Variants in SPON1 observed in about 807,000 individuals in gnomAD.
The protein encoded by SPON1 is spondin-1.
SPON1 carries 52 observed loss-of-function variants against 111.7 expected under a neutral mutation model. The ratio of observed to expected loss-of-function variants is 0.47; its 90% confidence interval spans 0.37 to 0.59. The LOEUF is 0.59. Among genes scored for constraint, SPON1 ranks in the 20% least tolerant of loss-of-function variants. The pLI is 0.00. For synonymous variants in SPON1, 410 were observed against 395.8 expected, an observed-to-expected ratio of 1.04 and a Z score of -0.43; for missense variants, 957 against 1,068.5, an observed-to-expected ratio of 0.90 and a Z score of 1.46.
chr11:14,109,269 A>C (rs935015138), intron 5 of SPON1, among the ~76,000 whole-genome samples: 5 of 152,072 alleles, frequency 3.3e-5, no homozygotes, highest in Admixed American at 3.3e-4. Flanking sequence ...TACCACGATA[A>C]ATAGAGCAAC....
At chr11:14,104,450 G>A (rs1376260431) in intron 5 of SPON1, among the ~76,000 whole-genome samples, 1 of 151,570 alleles carries the variant, frequency 6.6e-6, no homozygotes, top group African/African-American at 2.4e-5. Flanking sequence ...TTGATTAGCT[G>A]TCAATTTAAG....
intron 7 of SPON1, among the ~76,000 whole-genome samples, chr11:14,254,086 G>A (rs1245116153): frequency 2.6e-5 from 4 of 152,220 alleles, no homozygotes; most frequent in Non-Finnish European, 4.4e-5. Flanking sequence ...TGAGCTGATG[G>A]GTACAGTCTG....
chr11:14,038,128 T>C (rs1554916882), intron 2 of SPON1, among the ~76,000 whole-genome samples: 1 of 151,776 alleles, frequency 6.6e-6, no homozygotes. Flanking sequence ...ATCGTGCCAC[T>C]GCACTCCAGC....
At chr11:14,193,059 C>T (rs782762217) in intron 6 of SPON1, among the ~76,000 whole-genome samples, 52 of 152,266 alleles carry the variant, frequency 3.4e-4, no homozygotes, top group Admixed American at 1.2e-3. Flanking sequence ...ACAGTCTAAA[C>T]TCGTGCACCA....
At chr11:13,987,231 T>G (rs1848192370) in intron 2 of SPON1, among the ~76,000 whole-genome samples, 1 of 152,194 alleles carries the variant, frequency 6.6e-6, no homozygotes, top group South Asian at 2.1e-4. Flanking sequence ...ATCTGTTGTT[T>G]CCTGACTTTT....
At chr11:14,057,831 CAA>C (rs782306609) in intron 3 of SPON1, among the ~76,000 whole-genome samples, 3 of 100,578 alleles carry the variant, frequency 3.0e-5, no homozygotes, top group East Asian at 6.0e-4. Flanking sequence ...CTTGTCTCTA[CAA>C]AAAAAAAAAA....
intron 5 of SPON1, among the ~76,000 whole-genome samples, chr11:14,103,981 A>C (rs112935712): frequency 4.8e-4 from 73 of 152,288 alleles, no homozygotes; most frequent in African/African-American, 1.7e-3. Flanking sequence ...ACATAATATC[A>C]TTATGCTCTC....
chr11:14,189,729 A>G (rs1848324876), intron 6 of SPON1, among the ~76,000 whole-genome samples: 1 of 152,200 alleles, frequency 6.6e-6, no homozygotes, highest in Admixed American at 6.5e-5. Context: ...AGAGGGAAAA[A>G]AGATAGATTT....
At chr11:13,992,117 GCCAT>G (rs1440963472) in intron 2 of SPON1, among the ~76,000 whole-genome samples, 1 of 152,226 alleles carries the variant, frequency 6.6e-6, no homozygotes, top group Non-Finnish European at 1.5e-5. Flanking sequence ...TCTCTTCAGA[GCCAT>G]CAGGCAGGGC....
chr11:14,265,395 T>A lies in SPON1; in HGVS notation c.2261-129T>A, dbSNP rs1591432891. 1.6e-5 allele frequency: 18 copies of A among 1,117,364 alleles called. No individual in the cohort carries two copies. The East Asian group carries it at 4.7e-4, about 29-fold the overall frequency. The allele number at this position is 1,117,364 out of a possible 1,614,324, so 69.2% of individuals were successfully genotyped here. ...CGACCTAACTGTCCCTAATAACGAC[T>A]CTAACCAATCATTACATACTTGAGC... On this transcript the variant is annotated intron_variant, in intron 15 of 15. Transcript: ENST00000576479.
At chr11:14,083,648 T>C (rs1178643525) in intron 5 of SPON1, among the ~76,000 whole-genome samples, 1 of 152,226 alleles carries the variant, frequency 6.6e-6, no homozygotes, top group South Asian at 2.1e-4. Flanking sequence ...ACACAGTTCA[T>C]TAAACAATAT....
At chr11:13,988,697 C>T (rs1848204569) in intron 2 of SPON1, among the ~76,000 whole-genome samples, 1 of 152,072 alleles carries the variant, frequency 6.6e-6, no homozygotes, top group Non-Finnish European at 1.5e-5. Context: ...TCATAAATAG[C>T]TCTTATTATT....
In SPON1 at chr11:14,245,231, G is replaced by A. The variant is rs1053292644; in HGVS notation, c.890+1835G>A. 6.6e-5 allele frequency among the ~76,000 whole-genome samples: 10 copies of A among 152,282 alleles called. No homozygotes were observed. The South Asian group carries it at 2.1e-3, about 32-fold the overall frequency. ...GGAGGAGGCACACTCATAGCTGACT[G>A]CCTGGGAGCAGGGAAGCTACGGCGA... is the stretch of plus-strand genomic sequence containing the variant. On this transcript the variant is annotated intron_variant, in intron 7 of 15. Transcript: ENST00000576479.
chr11:14,169,710 A>G (rs1218263628), intron 6 of SPON1, among the ~76,000 whole-genome samples: 2 of 152,188 alleles, frequency 1.3e-5, no homozygotes, highest in African/African-American at 2.4e-5. Flanking sequence ...AGCTTTCTAC[A>G]TATGGCTAGC....
intron 6 of SPON1, among the ~76,000 whole-genome samples, chr11:14,188,263 A>C (rs1554934254): frequency 6.6e-6 from 1 of 152,126 alleles, no homozygotes; most frequent in Non-Finnish European, 1.5e-5. Context: ...AGTGCAAGCC[A>C]GTGAAGGTTT....
chr11:14,086,608 T>C (rs1481992585), intron 5 of SPON1, among the ~76,000 whole-genome samples: 1 of 152,178 alleles, frequency 6.6e-6, no homozygotes, highest in African/African-American at 2.4e-5. Flanking sequence ...TAAAATTTTC[T>C]TTTTTTGTTG....
At chr11:14,062,034 C>G (rs1848795057) in intron 3 of SPON1, among the ~76,000 whole-genome samples, 1 of 152,176 alleles carries the variant, frequency 6.6e-6, no homozygotes, top group Non-Finnish European at 1.5e-5. Context: ...TCACATCAGC[C>G]TTGGTAGTAC....
intron 6 of SPON1, among the ~76,000 whole-genome samples, chr11:14,241,826 A>T (rs1006522441): frequency 6.6e-6 from 1 of 152,206 alleles, no homozygotes; most frequent in East Asian, 1.9e-4. Flanking sequence ...GAGCATGAGA[A>T]ATGTAACTGC....
At chr11:14,177,950 G>A (rs782119187) in intron 6 of SPON1, among the ~76,000 whole-genome samples, 4 of 152,024 alleles carry the variant, frequency 2.6e-5, no homozygotes, top group Non-Finnish European at 4.4e-5. Flanking sequence ...GAGATTGAAA[G>A]ACTTGTTTCT....
Sources: allele counts gnomAD v4.1 joint callset (sites outside exome capture counted in the v4.1 genomes callset), GRCh38; gene constraint gnomAD v4.1.1; transcripts MANE v1.5; gene names NCBI Gene and HGNC (gene_info 2026-07-23, HGNC 2026-07-21).